Variants in CIITA observed in about 807,000 individuals in gnomAD.
CIITA encodes the protein class II major histocompatibility complex transactivator.
CIITA carries 72 observed loss-of-function variants against 115.1 expected under a neutral mutation model. The ratio of observed to expected loss-of-function variants is 0.63; its 90% CI spans 0.52 to 0.76. The LOEUF (loss-of-function observed/expected upper bound fraction) is 0.76. CIITA is among the 30% of genes least tolerant of loss of function. The probability of loss-of-function intolerance (pLI) is 0.00; values close to 1 mark genes in which losing one functional copy is unlikely to be tolerated. For synonymous variants in CIITA, 763 were observed against 635.6 expected (o/e 1.20, Z -3.02); for missense variants, 1,617 against 1,463.8 (o/e 1.10, Z -1.71).
chr16:10,884,459 G>T (rs1319281192), intron 1 of CIITA, among the ~76,000 whole-genome samples: 1 of 152,166 alleles, frequency 6.6e-6, no homozygotes, highest in Non-Finnish European at 1.5e-5. Flanking sequence ...CTGTTGCCCA[G>T]GTTGGAGTGC....
In CIITA at chr16:10,942,041, G is replaced by C; in HGVS notation, n.1167G>C. 5.9e-6 allele frequency: 8 copies of C among 1,359,684 alleles called. No homozygotes were observed. The highest frequency in any genetic ancestry group is 7.6e-6 in the Non-Finnish European group (8 of 1,058,960). The allele number at this position is 1,359,684 out of a possible 1,614,324, so 84.2% of individuals were successfully genotyped here. On this transcript the variant is annotated non_coding_transcript_exon_variant, in exon 2 of 2. Transcript: ENST00000573379. The surrounding 1 kb of genome is among the most constrained non-coding windows in gnomAD (Gnocchi z 5.0). ...GCAAGGGCGGCGGCCCGGCGATCCCGGCGAACTCAGCCGCTGCGGCGCCCG... is the reference window on the plus strand; with the variant it reads ...GCAAGGGCGGCGGCCCGGCGATCCCCGCGAACTCAGCCGCTGCGGCGCCCG...
chr16:10,905,651 A>G (rs2039089623), intron 10 of CIITA, among the ~76,000 whole-genome samples: 1 of 152,000 alleles, frequency 6.6e-6, no homozygotes, highest in Admixed American at 6.6e-5. Context: ...AATCCCAGCT[A>G]CTTGGCAGGC....
Position 10,928,538 on chromosome 16 carries a change from G to A in CIITA, c.*4683G>A, listed in dbSNP as rs8062951. ...ACTCCTAACCTCAAGTGATCTGCCCGCCTCGGCCTTCCAAAGTGCTGGGAT... is the reference window on the plus strand; with the variant it reads ...ACTCCTAACCTCAAGTGATCTGCCCACCTCGGCCTTCCAAAGTGCTGGGAT... On this transcript the variant is annotated 3_prime_UTR_variant, in exon 20 of 20. Transcript: ENST00000324288. 2,489 of 152,386 alleles carry A rather than the reference G, an allele frequency of 0.016. 60 individuals carry two copies. The highest frequency in any genetic ancestry group is 0.057 in the African/African-American group (2,386 of 41,542). The allele number at this position is 152,386 out of a possible 1,614,324, so 9.4% of individuals were successfully genotyped here. A position where few individuals can be genotyped will look rare whatever the true frequency, so the allele number is the denominator to read the frequency against.
intron 1 of CIITA, among the ~76,000 whole-genome samples, chr16:10,877,865 C>G (rs1207311887): frequency 6.6e-6 from 1 of 152,152 alleles, no homozygotes; most frequent in Non-Finnish European, 1.5e-5. Context: ...TGCCCTCCCC[C>G]CAGTTTCCTA....
chr16:10,942,297 C>A lies in CIITA; in HGVS notation n.1423C>A, dbSNP rs1221252915. The A allele has an allele frequency of 6.5e-6, 2 of 305,492 alleles. No homozygotes were observed. The highest frequency in any genetic ancestry group is 1.2e-5 in the Non-Finnish European group (2 of 164,536). The allele number at this position is 305,492 out of a possible 1,614,324, so 18.9% of individuals were successfully genotyped here. ...CGGCTCCCTCGTGGCGCCTCCCTGG[C>A]GCTCGCAGGGCCTCGCAGAGCCGGT... On this transcript the variant is annotated non_coding_transcript_exon_variant, in exon 2 of 2. Transcript: ENST00000573379. This position sits in a 1 kb window ranked among gnomAD's most constrained non-coding sequence, Gnocchi z 5.0.
chr16:10,939,813 C>T (rs981804226), downstream of CIITA: 1 of 152,424 alleles, frequency 6.6e-6, no homozygotes, highest in Middle Eastern at 3.4e-3. This position sits in a 1 kb window ranked among gnomAD's most constrained non-coding sequence, Gnocchi z 4.9. Context: ...TTCATAGTTC[C>T]GAAAAAATCT....
chr16:10,942,165 C>T lies in CIITA; in HGVS notation n.1291C>T. On this transcript the variant is annotated non_coding_transcript_exon_variant, in exon 2 of 2. Transcript: ENST00000573379. This position sits in a 1 kb window ranked among gnomAD's most constrained non-coding sequence, Gnocchi z 5.0. ...ATGTCCCCTGGCAATTGCGCCCCGA[C>T]CCCCGAAATGCGCCGGGCGGGTCAC... 1.8e-6 allele frequency: 1 copy of T among 549,020 alleles called. No homozygotes were observed. The allele number at this position is 549,020 out of a possible 1,614,324, so 34.0% of individuals were successfully genotyped here.
At position 10,907,016 on chromosome 16, in the gene CIITA, T is replaced by G; in HGVS notation, c.1524T>G (p.Asp508Glu). The G allele has an allele frequency of 3.1e-6, 5 of 1,609,338 alleles. No individual in the cohort carries two copies. Among genetic ancestry groups the G allele is most frequent in the Non-Finnish European group, 4.2e-6 (5 of 1,179,848 alleles). The change falls in exon 11 of 20, where the codon GAT becomes GAG. Residue 508 changes from aspartate (D) to glutamate (E), a missense_variant. By Grantham distance (45) the Asp-to-Glu change is conservative (BLOSUM62 2). Transcript: ENST00000324288. The surrounding 1 kb of genome is among the most constrained non-coding windows in gnomAD (Gnocchi z 5.0). ...LDGFEELEAQ[D>E]GFLHSTCGPA... ...GCTTCGAGGAGCTGGAAGCGCAAGA[T>G]GGCTTCCTGCACAGCACGTGCGGAC...
At position 10,895,489 on chromosome 16, in the gene CIITA, C is replaced by T. The variant is rs565164542; in HGVS notation, c.199+61C>T. 24 of 1,605,984 alleles carry T rather than the reference C, an allele frequency of 1.5e-5. No individual in the cohort carries two copies. The African/African-American group carries it at 2.3e-4, about 15-fold the overall frequency. On this transcript the variant is annotated intron_variant, in intron 2 of 19. Coordinates refer to ENST00000324288, the MANE Select transcript of CIITA (RefSeq NM_000246.4). ...CCCACCCCTCAGCTTGCTGTAGAGA[C>T]GGCAATCAGGGGAAATTCTGGTCCC...
chr16:10,923,321 A>T lies in CIITA; in HGVS notation c.*18A>T. The T allele has an allele frequency of 1.2e-6, 2 of 1,604,102 alleles. No homozygotes were observed. Among genetic ancestry groups the T allele is most frequent in the Non-Finnish European group, 1.7e-6 (2 of 1,171,778 alleles). On this transcript the variant is annotated 3_prime_UTR_variant, in exon 19 of 20. Transcript: ENST00000324288. The surrounding 1 kb of genome is among the most constrained non-coding windows in gnomAD (Gnocchi z 5.2). The stretch of plus-strand genomic sequence containing the variant: ...TGAGATGATCCCAGCTGTGCTCTGG[A>T]CAGGGTAACCAGGGTGGGCTTGGGA...
chr16:10,937,564 A>T (rs2041046293), downstream of CIITA: 2 of 152,218 alleles, frequency 1.3e-5, no homozygotes, highest in South Asian at 2.1e-4. This position sits in a 1 kb window ranked among gnomAD's most constrained non-coding sequence, Gnocchi z 4.2. Flanking sequence ...GCACCAGGAC[A>T]AGCTGACTCT....
upstream of CIITA, among the ~76,000 whole-genome samples, chr16:10,874,889 C>T (rs1331986899): frequency 3.3e-5 from 5 of 152,210 alleles, no homozygotes; most frequent in African/African-American, 9.6e-5. Flanking sequence ...CATATGGGAC[C>T]TCAAGACAGC....
At chr16:10,881,629 T>C (rs1342514047) in intron 1 of CIITA, among the ~76,000 whole-genome samples, 1 of 152,262 alleles carries the variant, frequency 6.6e-6, no homozygotes, top group Non-Finnish European at 1.5e-5. Context: ...CTTTTCCGTT[T>C]ATACATGGAA....
At position 10,906,778 on chromosome 16, in the gene CIITA, G is replaced by A; in HGVS notation, c.1286G>A (p.Trp429Ter). The part of the protein sequence containing the change: ...LGKAGQGKSY[W>*]AGAVSRAWAC... ...AAAGCTGGTCAGGGCAAGAGCTATT[G>A]GGCTGGGGCAGTGAGCCGGGCCTGG... Residue 429 changes from tryptophan (W) to a stop codon, truncating the protein, a stop_gained, in exon 11 of 20, where the codon TGG (tryptophan) becomes TAG (stop). Coordinates refer to ENST00000324288, the MANE Select transcript of CIITA (RefSeq NM_000246.4). LOFTEE classifies it high-confidence loss of function. 6.2e-7 allele frequency: 1 copy of A among 1,611,636 alleles called. No individual in the cohort carries two copies. Among genetic ancestry groups the A allele is most frequent in the Non-Finnish European group, 8.5e-7 (1 of 1,179,978 alleles).
chr16:10,867,410 CAGAG>C (rs1042058699), intron 1 of CIITA, among the ~76,000 whole-genome samples: 6 of 149,838 alleles, frequency 4.0e-5, no homozygotes, highest in African/African-American at 1.5e-4. Context: ...AACCGAAAGA[CAGAG>C]GGAGAGCGAG....
upstream of CIITA, among the ~76,000 whole-genome samples, chr16:10,874,486 G>A (rs2035694058): frequency 6.6e-6 from 1 of 152,182 alleles, no homozygotes; most frequent in Admixed American, 6.5e-5. Context: ...GTGTGCCTCA[G>A]CTCCTGGCTG....
rs747047617 is a variant in CIITA, at chr16:10,916,449, G to A, written c.3052G>A (p.Glu1018Lys). The A allele has an allele frequency of 6.6e-5, 106 of 1,611,954 alleles. No individual in the cohort carries two copies. The highest frequency in any genetic ancestry group is 1.8e-4 in the Admixed American group (11 of 59,812). ...CACCTTCCCCCAGCTGAAGTCCTTG[G>A]AAACCCTCAAGTGAGTGAGCTGGGC... ...SATFPQLKSL[E>K]TLNLSQNNIT... is the part of the protein sequence containing the mutation. The change falls in exon 15 of 20, where the codon GAA becomes AAA. Residue 1018 changes from glutamate (E) to lysine (K), a missense_variant. Transcript: ENST00000324288.
At chr16:10,877,812 G>A (rs1161596543) in intron 1 of CIITA, among the ~76,000 whole-genome samples, 1 of 152,198 alleles carries the variant, frequency 6.6e-6, no homozygotes, top group Non-Finnish European at 1.5e-5. Flanking sequence ...GCCTTGAGGT[G>A]TAGCTGTTGA....
At chr16:10,871,916 C>T (rs1156556272) in intron 1 of CIITA, among the ~76,000 whole-genome samples, 1 of 152,210 alleles carries the variant, frequency 6.6e-6, no homozygotes, top group African/African-American at 2.4e-5. Context: ...CCAAACACAG[C>T]TTGCCCCCAA....
Sources: gnomAD v4.1 joint callset for allele counts (sites outside exome capture counted in the v4.1 genomes callset) on GRCh38, gnomAD v4.1.1 for gene constraint, Gnocchi (gnomAD v3.1) non-coding constraint, MANE v1.5 for transcripts, NCBI Gene and HGNC (gene_info 2026-07-23, HGNC 2026-07-21) for gene names.